Variants in PTPRD observed in about 807,000 individuals in gnomAD.
PTPRD encodes the protein receptor-type tyrosine-protein phosphatase delta.
A neutral mutation model predicts 214.5 loss-of-function variants in PTPRD; 34 were observed. The observed-to-expected ratio is 0.16, with a 90% confidence interval of 0.12 to 0.21. The LOEUF (loss-of-function observed/expected upper bound fraction) is 0.21. Ranked by LOEUF, PTPRD falls within the 10% of genes least tolerant of loss-of-function variation. PTPRD has a pLI of 1.00. For missense variants in PTPRD, 2,545 were observed against 2,398.7 expected (o/e 1.06, Z -1.27); for synonymous variants, 1,128 against 845.7 (o/e 1.33, Z -5.79).
intron 9 of PTPRD, among the ~76,000 whole-genome samples, chr9:9,254,634 G>C (rs559775271): frequency 6.6e-6 from 1 of 152,132 alleles, no homozygotes; most frequent in Admixed American, 6.6e-5. Flanking sequence ...ATTTGGAGTT[G>C]GTTCCTCTAA....
In PTPRD at chr9:8,500,784, A is replaced by C; in HGVS notation, c.2098T>G (p.Leu700Val). The C allele has an allele frequency of 1.2e-6, 2 of 1,614,174 alleles. No individual in the cohort carries two copies. The highest frequency in any genetic ancestry group is 3.3e-4 in the Middle Eastern group (2 of 6,062). ...HTDVGPGPES[L>V]SVLIRTNEDV... is the part of the protein sequence containing the mutation. ...TCATTGGTTCGAATCAACACGGACAAGCTCTCAGGGCCAGGGCCGACATCT... is the reference window on the plus strand; with the variant it reads ...TCATTGGTTCGAATCAACACGGACACGCTCTCAGGGCCAGGGCCGACATCT... Residue 700 changes from leucine (L) to valine (V), a missense_variant, in exon 24 of 46, where the codon TTG becomes GTG. Coordinates refer to ENST00000381196, the MANE Select transcript of PTPRD (RefSeq NM_002839.4).
chr9:8,801,135 A>C (rs1041614961), intron 11 of PTPRD, among the ~76,000 whole-genome samples: 1 of 152,234 alleles, frequency 6.6e-6, no homozygotes, highest in South Asian at 2.1e-4. Context: ...GAGTCACAAG[A>C]TCATGATGAT....
intron 5 of PTPRD, among the ~76,000 whole-genome samples, chr9:9,841,729 T>C (rs2058374682): frequency 1.3e-5 from 2 of 152,156 alleles, no homozygotes; most frequent in South Asian, 4.1e-4. Context: ...TCTTACCTTG[T>C]ATTTTTCTCT....
chr9:9,839,579 C>T (rs894790246), intron 5 of PTPRD, among the ~76,000 whole-genome samples: 1 of 152,150 alleles, frequency 6.6e-6, no homozygotes, highest in East Asian at 1.9e-4. Context: ...AAGAACATTC[C>T]ATGTTCATGG....
intron 11 of PTPRD, among the ~76,000 whole-genome samples, chr9:9,018,363 A>G (rs1167944604): frequency 1.3e-5 from 2 of 152,184 alleles, no homozygotes; most frequent in Non-Finnish European, 2.9e-5. Context: ...ATATCTTATA[A>G]AAATCATCGT....
chr9:8,337,465 G>A (rs949022731), intron 43 of PTPRD, among the ~76,000 whole-genome samples: 1 of 152,052 alleles, frequency 6.6e-6, no homozygotes, highest in African/African-American at 2.4e-5. Flanking sequence ...TTGGAGTCTA[G>A]GGGAACGATA....
chr9:9,275,902 C>T (rs1945444939), intron 9 of PTPRD, among the ~76,000 whole-genome samples: 1 of 150,946 alleles, frequency 6.6e-6, no homozygotes, highest in Non-Finnish European at 1.5e-5. Context: ...AGAATGTCCC[C>T]AGGCCGTGAA....
intron 7 of PTPRD, among the ~76,000 whole-genome samples, chr9:9,703,674 C>A (rs2097543657): frequency 6.6e-6 from 1 of 152,006 alleles, no homozygotes; most frequent in African/African-American, 2.4e-5. Context: ...GTACAGTTTA[C>A]CTCCCTGAGA....
chr9:8,511,275 T>C (rs1290619646), intron 21 of PTPRD, among the ~76,000 whole-genome samples: 1 of 152,080 alleles, frequency 6.6e-6, no homozygotes, highest in Non-Finnish European at 1.5e-5. Context: ...CTCAATATGT[T>C]GCACCAGGTT....
chr9:9,721,066 CTG>C (rs1160063855), intron 7 of PTPRD, among the ~76,000 whole-genome samples: 1 of 152,064 alleles, frequency 6.6e-6, no homozygotes, highest in Admixed American at 6.6e-5. Context: ...ATAAAATAAT[CTG>C]TACAACAAAC....
rs936724079 is a variant in PTPRD at position 9,047,118 on chromosome 9, G to T, written c.-142-28383C>A. Among the ~76,000 whole-genome samples the T allele has an allele frequency of 9.2e-5, 14 of 152,138 alleles. No homozygotes were observed. In the South Asian group the frequency reaches 1.7e-3, roughly 18 times the overall value. ...TCGGTAGCATTTCTTTATGCCAACA[G>T]TGTACAATCTGAAAAAGAAATAAAA... is the stretch of plus-strand genomic sequence containing the variant. On this transcript the variant is annotated intron_variant, in intron 10 of 45. Transcript: ENST00000381196.
intron 10 of PTPRD, among the ~76,000 whole-genome samples, chr9:9,166,663 T>C (rs1285727873): frequency 6.6e-6 from 1 of 152,182 alleles, no homozygotes; most frequent in Non-Finnish European, 1.5e-5. Flanking sequence ...GCTCAGATAT[T>C]AGTTCACTAC....
chr9:8,553,308 G>T (rs993187609), intron 14 of PTPRD, among the ~76,000 whole-genome samples: 1 of 152,140 alleles, frequency 6.6e-6, no homozygotes, highest in African/African-American at 2.4e-5. Flanking sequence ...CTCTACGGAA[G>T]CAGAAAATAG....
In PTPRD at chr9:9,877,858, G is replaced by C. The variant is rs754910018; in HGVS notation, c.-368+60649C>G. On this transcript the variant is annotated intron_variant, in intron 5 of 45. Transcript: ENST00000381196. ...CACGGTGGCCCATGCCTGTAATCCT[G>C]GCTACTTGGGAGGCTGAGGCAGGAG... Among the ~76,000 whole-genome samples, 6 of 151,312 alleles carry C rather than the reference G, an allele frequency of 4.0e-5. No individual in the cohort carries two copies. The South Asian group carries it at 1.0e-3, about 26-fold the overall frequency.
chr9:9,283,968 G>T (rs1412476620), intron 9 of PTPRD, among the ~76,000 whole-genome samples: 1 of 151,464 alleles, frequency 6.6e-6, no homozygotes, highest in East Asian at 2.0e-4. Flanking sequence ...AAACAACCAG[G>T]TTTTGCATCT....
intron 2 of PTPRD, among the ~76,000 whole-genome samples, chr9:10,441,819 T>C (rs1180913804): frequency 1.3e-5 from 2 of 151,636 alleles, no homozygotes; most frequent in African/African-American, 4.8e-5. Flanking sequence ...AATATATTCA[T>C]TTAGTATGTA....
chr9:9,517,095 A>C (rs1233011883), intron 8 of PTPRD, among the ~76,000 whole-genome samples: 1 of 152,116 alleles, frequency 6.6e-6, no homozygotes, highest in Non-Finnish European at 1.5e-5. Context: ...AGAGATATTA[A>C]CACTAATTTT....
At position 8,460,503 on chromosome 9, in the gene PTPRD, C is replaced by A. The variant is rs377337175; in HGVS notation, c.3783G>T (p.Thr1261=). 3 of 1,613,378 alleles carry A rather than the reference C, an allele frequency of 1.9e-6. No individual in the cohort carries two copies. Among genetic ancestry groups the A allele is most frequent in the African/African-American group, 2.7e-5 (2 of 74,850 alleles). The stretch of plus-strand genomic sequence containing the variant: ...CCCAGATCAAGCCTTCTTCTTCATC[C>A]GTGATTGGCTGCGGATCCAGATCCA... ...VSMDLDPQPI[T]DEEEGLIWVV... The change falls in exon 33 of 46, where the codon ACG becomes ACT. Residue 1261 remains threonine (T), a synonymous_variant. Coordinates refer to ENST00000381196, the MANE Select transcript of PTPRD (RefSeq NM_002839.4).
At chr9:10,464,380 AAGAG>A (rs1214168580) in intron 2 of PTPRD, among the ~76,000 whole-genome samples, 1 of 148,814 alleles carries the variant, frequency 6.7e-6, no homozygotes, top group African/African-American at 2.5e-5. Flanking sequence ...ACACCAAAGA[AAGAG>A]AGAAAGAGAG....
Sources: allele counts gnomAD v4.1 joint callset (sites outside exome capture counted in the v4.1 genomes callset), GRCh38; gene constraint gnomAD v4.1.1; transcripts MANE v1.5; gene names NCBI Gene and HGNC (gene_info 2026-07-23, HGNC 2026-07-21).